ADD2: variants seen among roughly 807,000 people sequenced by gnomAD.
ADD2 encodes adducin 2.
ADD2 carries 23 observed loss-of-function variants against 83.0 expected under a neutral mutation model. That is an observed-to-expected ratio of 0.28 (90% CI 0.20 to 0.39). The LOEUF (loss-of-function observed/expected upper bound fraction) is 0.39, where lower values mean the gene tolerates loss of function less well. Among genes scored for constraint, ADD2 ranks in the 10% least tolerant of loss-of-function variants. The pLI is 1.00. For synonymous variants in ADD2, 375 were observed against 375.4 expected, an observed-to-expected ratio of 1.00 and a Z score of 0.01; for missense variants, 758 against 944.9, an observed-to-expected ratio of 0.80 and a Z score of 2.59.
At chr2:70,760,650 T>C (rs1239263842) in intron 1 of ADD2, 1 of 152,178 alleles carries the variant, frequency 6.6e-6, no homozygotes, top group African/African-American at 2.4e-5. Flanking sequence ...AAGCAGGGTG[T>C]GGTTCAAGGG....
chr2:70,728,701 G>T (rs868979315), intron 1 of ADD2, among the ~76,000 whole-genome samples: 30 of 152,240 alleles, frequency 2.0e-4, no homozygotes, highest in African/African-American at 6.8e-4. Flanking sequence ...GCTCATGGGA[G>T]AAGCCCTTTG....
intron 15 of ADD2, among the ~76,000 whole-genome samples, chr2:70,665,816 TTG>T (rs1400948414): frequency 2.2e-5 from 3 of 136,386 alleles, no homozygotes; most frequent in African/African-American, 5.8e-5. Flanking sequence ...ACTTGTTTTT[TTG>T]TTTTTTTTTT....
chr2:70,677,979 G>A (rs1203397680), intron 11 of ADD2, 102 bp from the exon 12 acceptor site: 6 of 1,499,820 alleles, frequency 4.0e-6, no homozygotes, highest in East Asian at 4.5e-5. Context: ...CTGCATGGAA[G>A]GTCAGCAAGC....
Position 70,692,514 on chromosome 2 carries a change from G to C in ADD2, c.594C>G (p.Gly198=). ...VNILGEVVEK[G]SSCFPVDTTG... ...TGGTGTCCACTGGGAAGCAGCTGCTGCCCTTCTCCACCACCTCTCCCAGAA... is the reference window on the plus strand; with the variant it reads ...TGGTGTCCACTGGGAAGCAGCTGCTCCCCTTCTCCACCACCTCTCCCAGAA... Residue 198 remains glycine (G), a synonymous_variant, in exon 7 of 16, where the codon GGC becomes GGG. Transcript: ENST00000264436. 1 of 1,612,194 alleles carries C rather than the reference G, an allele frequency of 6.2e-7. No individual in the cohort carries two copies.
intron 2 of ADD2, among the ~76,000 whole-genome samples, chr2:70,709,290 G>A (rs1158446931): frequency 6.6e-5 from 10 of 151,680 alleles, no homozygotes; most frequent in South Asian, 2.1e-4. Context: ...ATGAAGGGTC[G>A]GAGGTAGGGG....
chr2:70,714,842 T>G (rs1199813574), intron 1 of ADD2, among the ~76,000 whole-genome samples: 1 of 152,340 alleles, frequency 6.6e-6, no homozygotes, highest in Non-Finnish European at 1.5e-5. Context: ...CTGCTAAGAT[T>G]TGAATTTTCA....
intron 15 of ADD2, among the ~76,000 whole-genome samples, chr2:70,665,272 G>A (rs1675739059): frequency 6.6e-6 from 1 of 152,064 alleles, no homozygotes; most frequent in Admixed American, 6.5e-5. Flanking sequence ...TGAACCACCT[G>A]GGCCAGATCT....
At chr2:70,738,302 T>C (rs887988672) in intron 1 of ADD2, among the ~76,000 whole-genome samples, 1 of 152,130 alleles carries the variant, frequency 6.6e-6, no homozygotes, top group African/African-American at 2.4e-5. Flanking sequence ...AATTAGATCA[T>C]AACACATAAG....
At position 70,706,472 on chromosome 2, in the gene ADD2, A is replaced by G. The variant is rs1553374538; in HGVS notation, c.-34-30T>C. ...AGAGAAGGGGAGAGGGTATGCGGTC[A>G]GGTTGGTGCTCCCCATCGGGGTACA... On this transcript the variant is annotated intron_variant, in intron 2 of 15. Transcript: ENST00000264436. The surrounding 1 kb of genome is among the most constrained non-coding windows in gnomAD (Gnocchi z 5.0). 1 of 1,534,430 alleles carries G rather than the reference A, an allele frequency of 6.5e-7. No homozygotes were observed. Among genetic ancestry groups the G allele is most frequent in the Admixed American group, 1.9e-5 (1 of 53,404 alleles).
intron 4 of ADD2, 37 bp from the exon 5 acceptor site, chr2:70,696,433 C>T: frequency 6.2e-7 from 1 of 1,611,734 alleles, no homozygotes. Context: ...GGCCAGGGCC[C>T]ATCTGCCCTC....
intron 6 of ADD2, among the ~76,000 whole-genome samples, chr2:70,693,964 C>T (rs566559531): frequency 5.1e-4 from 77 of 152,264 alleles, no homozygotes; most frequent in African/African-American, 1.8e-3. Context: ...GTGGGTATTG[C>T]CTTTGTGCAA....
At chr2:70,745,717 T>C (rs996749580) in intron 1 of ADD2, among the ~76,000 whole-genome samples, 1 of 152,238 alleles carries the variant, frequency 6.6e-6, no homozygotes, top group African/African-American at 2.4e-5. Flanking sequence ...GCTTTTTATA[T>C]AATGTCCAAT....
At chr2:70,683,851 TG>T in intron 9 of ADD2, 84 bp from the exon 10 acceptor site, 1 of 1,458,026 alleles carries the variant, frequency 6.9e-7, no homozygotes, top group Non-Finnish European at 9.2e-7. Context: ...GATGAGAGAA[TG>T]GGGAGTCCAG....
Position 70,683,602 on chromosome 2 carries a change from G to A in ADD2, c.1114C>T (p.Leu372=). ...EHEFEALMRM[L]DNLGYRTGYT... ...GGCAGGAGACTCACCAGGTTGTCCA[G>A]CATCCTCATGAGGGCCTCAAACTCA... The change falls in exon 10 of 16, where the codon CTG becomes TTG. Residue 372 remains leucine, a synonymous_variant. Coordinates refer to ENST00000264436, the MANE Select transcript of ADD2 (RefSeq NM_001617.4). 1 of 1,612,130 alleles carries A rather than the reference G, an allele frequency of 6.2e-7. No homozygotes were observed. The highest frequency in any genetic ancestry group is 1.1e-5 in the South Asian group (1 of 90,932).
chr2:70,764,026 TAC>T (rs1192420581), intron 1 of ADD2, among the ~76,000 whole-genome samples: 1 of 151,644 alleles, frequency 6.6e-6, no homozygotes, highest in Non-Finnish European at 1.5e-5. Flanking sequence ...TAGCTGAGAT[TAC>T]AGTTGCCCAC....
At position 70,666,017 on chromosome 2, in the gene ADD2, T is replaced by C. The variant is rs1299646854; in HGVS notation, c.1871-2282A>G. On this transcript the variant is annotated intron_variant, in intron 15 of 15. Transcript: ENST00000264436. ...TTTTAGTAGAGATGGGGTTTCACCA[T>C]GTTGGCCAGGATGGTCTCGAACTCC... Among the ~76,000 whole-genome samples the C allele has an allele frequency of 1.2e-4, 18 of 152,314 alleles. No individual in the cohort carries two copies. The South Asian group carries it at 2.1e-3, about 18-fold the overall frequency.
At chr2:70,736,959 C>A (rs543315779) in intron 1 of ADD2, among the ~76,000 whole-genome samples, 1 of 152,110 alleles carries the variant, frequency 6.6e-6, no homozygotes, top group East Asian at 1.9e-4. Context: ...ATGCAGCCAA[C>A]AGACACATGA....
At chr2:70,675,998 ACTT>A in intron 13 of ADD2, 2 of 985,366 alleles carry the variant, frequency 2.0e-6, no homozygotes, top group Non-Finnish European at 2.4e-6. Flanking sequence ...TGATGATACA[ACTT>A]TCACACTTCT....
At chr2:70,687,891 G>T in intron 9 of ADD2, 133 bp downstream of exon 9, 1 of 648,550 alleles carries the variant, frequency 1.5e-6, no homozygotes, top group Non-Finnish European at 2.7e-6. Flanking sequence ...CCAAGGCAGA[G>T]AAATAGGGCA....
Sources: allele counts gnomAD v4.1 joint callset (sites outside exome capture counted in the v4.1 genomes callset), GRCh38; gene constraint gnomAD v4.1.1; non-coding constraint Gnocchi (gnomAD v3.1); transcripts MANE v1.5; gene names NCBI Gene and HGNC (gene_info 2026-07-23, HGNC 2026-07-21).